The following UBXN7 variants were observed in gnomAD, a reference collection of about 807,000 sequenced individuals.
UBXN7 encodes UBX domain protein 7.
A neutral mutation model predicts 58.0 loss-of-function variants in UBXN7; 9 were observed. That is an observed-to-expected ratio of 0.16 (90% CI 0.09 to 0.27). UBXN7 has a LOEUF of 0.27. Ranked by LOEUF, UBXN7 falls within the 10% of genes least tolerant of loss-of-function variation. UBXN7 has a pLI of 1.00. For missense variants in UBXN7, 328 were observed against 599.6 expected (o/e 0.55, Z 4.73); for synonymous variants, 208 against 205.0 (o/e 1.01, Z -0.12).
At position 196,349,178 on chromosome 3, in the gene UBXN7, T is replaced by A. The variant is rs1728156011; in HGVS notation, c.*7507A>T. ...AGAAGATTCTCTCACAGCTTTACTG[T>A]TTCCTGGCAAGTGTTTTCAACAGCC... On this transcript the variant is annotated 3_prime_UTR_variant, in exon 11 of 11. Transcript: ENST00000296328. 6.6e-6 allele frequency: 1 copy of A among 152,184 alleles called. No individual in the cohort carries two copies. The highest frequency in any genetic ancestry group is 6.5e-5 in the Admixed American group (1 of 15,280). The allele number at this position is 152,184 out of a possible 1,614,324, so 9.4% of individuals were successfully genotyped here.
chr3:196,385,641 C>T (rs79012966), intron 5 of UBXN7, among the ~76,000 whole-genome samples: 1 of 150,944 alleles, frequency 6.6e-6, no homozygotes, highest in Non-Finnish European at 1.5e-5. Flanking sequence ...GGTGAGGAGC[C>T]TCTCTGACCG....
chr3:196,395,443 GTTTTA>G lies in UBXN7; in HGVS notation c.290-1829_290-1825del, dbSNP rs1729739029. The stretch of plus-strand genomic sequence containing the variant: ...AAGAGATTTTGTAATACACTGTCAT[GTTTTA>G]TTTTATTTTTTTTTGAGACAGTGTC... On this transcript the variant is annotated intron_variant, in intron 3 of 10. Coordinates refer to ENST00000296328, the MANE Select transcript of UBXN7 (RefSeq NM_015562.2). Among the ~76,000 whole-genome samples the G allele has an allele frequency of 4.6e-5, 7 of 152,124 alleles. 1 individual carries two copies. The South Asian group carries it at 8.3e-4, about 18-fold the overall frequency.
intron 3 of UBXN7, among the ~76,000 whole-genome samples, chr3:196,396,929 C>G (rs1327514286): frequency 6.6e-6 from 1 of 152,186 alleles, no homozygotes; most frequent in African/African-American, 2.4e-5. Context: ...CCTCCCCCTT[C>G]TCTATAAGGG....
chr3:196,347,803 T>C lies in UBXN7; in HGVS notation c.*8882A>G, dbSNP rs1728120399. ...TCCCTCTCTCAGCACAGTGAGCTGA[T>C]GTCTTCAAAAGACTTATCGTCCCAC... On this transcript the variant is annotated 3_prime_UTR_variant, in exon 11 of 11. Transcript: ENST00000296328. The C allele has an allele frequency of 6.6e-6, 1 of 152,212 alleles. No homozygotes were observed. The allele number at this position is 152,212 out of a possible 1,614,324, so 9.4% of individuals were successfully genotyped here.
intron 1 of UBXN7, among the ~76,000 whole-genome samples, chr3:196,425,800 C>G (rs1261179913): frequency 1.3e-5 from 2 of 152,160 alleles, no homozygotes; most frequent in Non-Finnish European, 2.9e-5. Flanking sequence ...GTTTCTCCTG[C>G]AAGAAACATC....
In UBXN7 at chr3:196,372,116, GGTT is replaced by G; in HGVS notation, c.469-77_469-75del. On this transcript the variant is annotated intron_variant, in intron 5 of 10. Transcript: ENST00000296328. ...ACAGATGTTTCCGTAGTTGTTCAGA[GGTT>G]GTTGTCTTTCATTAAAAATACTAAG... 6 of 1,479,158 alleles carry G rather than the reference GGTT, an allele frequency of 4.1e-6. No individual in the cohort carries two copies. The South Asian group carries it at 6.9e-5, about 17-fold the overall frequency. 91.6% of individuals were successfully genotyped at this position (1,479,158 alleles called of 1,614,324 possible).
chr3:196,365,431 T>C (rs1029179937), intron 8 of UBXN7, among the ~76,000 whole-genome samples: 2 of 152,172 alleles, frequency 1.3e-5, no homozygotes, highest in Admixed American at 1.3e-4. Flanking sequence ...AGACAGAGTC[T>C]TACTGTTGCC....
At chr3:196,401,818 GAGAAGAGAGA>G (rs1560235824) in intron 3 of UBXN7, among the ~76,000 whole-genome samples, 29 of 48,584 alleles carry the variant, frequency 6.0e-4, no homozygotes, top group African/African-American at 1.6e-3. Context: ...GAAAAGAAAA[GAGAAGAGAGA>G]AGAGAAGAGA....
At position 196,402,982 on chromosome 3, in the gene UBXN7, T is replaced by A. The variant is rs1378310713; in HGVS notation, c.259A>T (p.Ile87Leu). The A allele has an allele frequency of 1.9e-6, 3 of 1,599,368 alleles. No homozygotes were observed. In the South Asian group the frequency reaches 3.4e-5, roughly 18 times the overall value. Reference sequence around the variant, plus strand: ...AATAATGGTTCTGGTTCCACCAGTATTTCCTGCTTTTGAGGAATTGGGGCA... The same window carrying A: ...AATAATGGTTCTGGTTCCACCAGTAATTCCTGCTTTTGAGGAATTGGGGCA... ...VRAPIPQKQE[I>L]LVEPEPLFGA... is the part of the protein sequence containing the mutation. The change falls in exon 3 of 11, where the codon ATA becomes TTA. Residue 87 changes from isoleucine (I) to leucine (L), a missense_variant. Transcript: ENST00000296328.
intron 8 of UBXN7, among the ~76,000 whole-genome samples, chr3:196,366,275 G>A (rs932187513): frequency 1.1e-4 from 17 of 152,068 alleles, no homozygotes; most frequent in African/African-American, 3.6e-4. Flanking sequence ...CCAGCACTTC[G>A]GGAGGCCAAG....
At chr3:196,388,227 G>A (rs1729469849) in intron 5 of UBXN7, among the ~76,000 whole-genome samples, 1 of 150,214 alleles carries the variant, frequency 6.7e-6, no homozygotes. Flanking sequence ...CTCACTCACA[G>A]GTGGGTATTG....
chr3:196,407,232 TA>T lies in UBXN7; in HGVS notation c.221+13del. 6.2e-7 allele frequency: 1 copy of T among 1,612,734 alleles called. No homozygotes were observed. On this transcript the variant is annotated intron_variant, in intron 2 of 10. Coordinates refer to ENST00000296328, the MANE Select transcript of UBXN7 (RefSeq NM_015562.2). ...GCAATGGATAGCTCCTGACAACACA[TA>T]ATAAATTCATACTCTGTGTGTGGTC...
rs1553847953 is a variant in UBXN7 at position 196,353,484 on chromosome 3, C to CAT, written c.*3200_*3201insAT. ...TTTTCCCACTAGTTTTCTTCTTCTT[C>CAT]TTCTTTTTTTTTTTTAAATTTGAGA... On this transcript the variant is annotated 3_prime_UTR_variant, in exon 11 of 11. Transcript: ENST00000296328. 8.2e-5 allele frequency: 12 copies of CAT among 145,858 alleles called. No individual in the cohort carries two copies. The highest frequency in any genetic ancestry group is 1.8e-4 in the Non-Finnish European group (12 of 66,302). 9.0% of individuals were successfully genotyped at this position (145,858 alleles called of 1,614,324 possible).
intron 5 of UBXN7, among the ~76,000 whole-genome samples, chr3:196,385,582 C>T (rs1034636198): frequency 7.2e-5 from 11 of 151,998 alleles, no homozygotes; most frequent in East Asian, 3.9e-4. Context: ...GCAGTGACCC[C>T]GTCTGGGAAC....
Position 196,356,727 on chromosome 3 carries a change from G to A in UBXN7, c.1428C>T (p.Gly476=), listed in dbSNP as rs767509215. The A allele has an allele frequency of 5.0e-6, 8 of 1,612,094 alleles. No individual in the cohort carries two copies. Among genetic ancestry groups the A allele is most frequent in the Non-Finnish European group, 5.1e-6 (6 of 1,179,632 alleles). The change falls in exon 11 of 11, where the codon GGC becomes GGT. Residue 476 remains glycine, a synonymous_variant. Transcript: ENST00000296328. ...CAAAGACAGTCTCTTGAGGACAAAG[G>A]CCTGCCTCTTGCAATGTAATATCAT... ...LDYDITLQEA[G]LCPQETVFVQ... is the part of the protein sequence containing the mutation.
intron 6 of UBXN7, among the ~76,000 whole-genome samples, chr3:196,370,638 T>C (rs1385960128): frequency 1.3e-5 from 2 of 151,820 alleles, no homozygotes; most frequent in Admixed American, 6.6e-5. Context: ...ACAGGCAAAT[T>C]AATAACATTA....
intron 1 of UBXN7, among the ~76,000 whole-genome samples, chr3:196,429,806 T>C (rs1304080882): frequency 1.3e-5 from 2 of 152,180 alleles, no homozygotes; most frequent in Non-Finnish European, 2.9e-5. Flanking sequence ...TGAAGAACAC[T>C]CAAAGGTATT....
At chr3:196,387,785 A>G (rs995073214) in intron 5 of UBXN7, among the ~76,000 whole-genome samples, 3 of 152,198 alleles carry the variant, frequency 2.0e-5, no homozygotes, top group African/African-American at 7.2e-5. Flanking sequence ...TTAAAAAGTC[A>G]GGAAACAACA....
intron 1 of UBXN7, chr3:196,431,491 T>A (rs1164026840): frequency 6.4e-6 from 1 of 156,708 alleles, no homozygotes; most frequent in Non-Finnish European, 1.4e-5. Context: ...GGAGAGAACC[T>A]AGGCCTAGGG....
Sources: allele counts gnomAD v4.1 joint callset (sites outside exome capture counted in the v4.1 genomes callset), GRCh38; gene constraint gnomAD v4.1.1; transcripts MANE v1.5; gene names NCBI Gene and HGNC (gene_info 2026-07-23, HGNC 2026-07-21).